PABPC4L: variants seen among roughly 807,000 people sequenced by gnomAD.
PABPC4L encodes polyadenylate-binding protein 4-like.
For synonymous variants in PABPC4L, 169 were observed against 164.1 expected (o/e 1.03, Z -0.23); for missense variants, 452 against 451.4 (o/e 1.00, Z -0.01).
chr4:134,027,868 T>C, the PABPC4L span, among the ~76,000 whole-genome samples: 1 of 152,160 alleles, frequency 6.6e-6, no homozygotes, highest in South Asian at 2.1e-4. Context: ...ATTTGCCAAA[T>C]GATGGCTGCT....
chr4:134,199,788 T>C lies in PABPC4L; in HGVS notation c.*119A>G. The C allele has an allele frequency of 1.5e-6, 2 of 1,305,860 alleles. No individual in the cohort carries two copies. The highest frequency in any genetic ancestry group is 1.5e-5 in the South Asian group (1 of 66,078). The allele number at this position is 1,305,860 out of a possible 1,614,324, so 80.9% of individuals were successfully genotyped here. On this transcript the variant is annotated 3_prime_UTR_variant, in exon 2 of 2. Coordinates refer to ENST00000421491, the MANE Select transcript of PABPC4L (RefSeq NM_001114734.2). ...TATAAAAAACGTTTTATCATAAAGT[T>C]TACTAAACTAAGCACCCATCATGTG...
At chr4:134,137,574 T>C in the PABPC4L span, among the ~76,000 whole-genome samples, 3 of 151,916 alleles carry the variant, frequency 2.0e-5, no homozygotes, top group Non-Finnish European at 4.4e-5. Context: ...TCTGAAGATA[T>C]CACAGTTTTT....
the PABPC4L span, among the ~76,000 whole-genome samples, chr4:134,153,330 T>C: frequency 6.6e-6 from 1 of 152,020 alleles, no homozygotes; most frequent in Non-Finnish European, 1.5e-5. Flanking sequence ...GATATAATGT[T>C]CAGATGCTGG....
At chr4:134,007,378 T>G in the PABPC4L span, among the ~76,000 whole-genome samples, 1 of 151,880 alleles carries the variant, frequency 6.6e-6, no homozygotes, top group Non-Finnish European at 1.5e-5. Context: ...TAAAATAAAT[T>G]ATCTTCCATA....
At chr4:133,986,860 G>A in the PABPC4L span, among the ~76,000 whole-genome samples, 29 of 151,486 alleles carry the variant, frequency 1.9e-4, no homozygotes, top group East Asian at 4.7e-3. Context: ...CTCAGCCTCC[G>A]GAGTAGCTGG....
chr4:133,986,244 CAT>C, the PABPC4L span, among the ~76,000 whole-genome samples: 1 of 152,042 alleles, frequency 6.6e-6, no homozygotes, highest in Non-Finnish European at 1.5e-5. Flanking sequence ...CCATTTATAA[CAT>C]AAACAACTTT....
At chr4:133,999,906 A>C in the PABPC4L span, among the ~76,000 whole-genome samples, 5 of 152,242 alleles carry the variant, frequency 3.3e-5, 1 homozygote, top group South Asian at 1.0e-3. Flanking sequence ...TTAAAATATT[A>C]AACTTGATAT....
the PABPC4L span, among the ~76,000 whole-genome samples, chr4:133,969,023 A>G: frequency 6.6e-6 from 1 of 152,152 alleles, no homozygotes; most frequent in Admixed American, 6.5e-5. Context: ...ATTAACTGGG[A>G]AGTACAGGTG....
chr4:133,982,748 C>T, the PABPC4L span, among the ~76,000 whole-genome samples: 2 of 151,926 alleles, frequency 1.3e-5, no homozygotes, highest in African/African-American at 4.8e-5. Context: ...GTAATTGTGG[C>T]TTTATGCAGT....
chr4:134,059,482 C>T, the PABPC4L span, among the ~76,000 whole-genome samples: 1 of 150,062 alleles, frequency 6.7e-6, no homozygotes, highest in Non-Finnish European at 1.5e-5. Context: ...TTTGCAAATA[C>T]ATTTAATTAT....
At chr4:133,974,368 G>A in the PABPC4L span, among the ~76,000 whole-genome samples, 3 of 151,986 alleles carry the variant, frequency 2.0e-5, no homozygotes, top group Admixed American at 6.6e-5. Context: ...ATAGATCAGA[G>A]ATGTAAATAT....
the PABPC4L span, among the ~76,000 whole-genome samples, chr4:134,074,943 G>C: frequency 2.0e-4 from 31 of 152,058 alleles, no homozygotes; most frequent in Admixed American, 2.0e-4. Flanking sequence ...ATGAGATTTG[G>C]GTGGGGACAC....
At chr4:134,089,586 A>G in the PABPC4L span, among the ~76,000 whole-genome samples, 1 of 152,122 alleles carries the variant, frequency 6.6e-6, no homozygotes, top group African/African-American at 2.4e-5. Context: ...TTATAAATCA[A>G]ACTTTATCAC....
chr4:134,145,988 A>C, the PABPC4L span, among the ~76,000 whole-genome samples: 1 of 152,018 alleles, frequency 6.6e-6, no homozygotes, highest in South Asian at 2.1e-4. Flanking sequence ...ATATTTATAC[A>C]TCCAGTTATG....
chr4:134,177,425 C>T, the PABPC4L span, among the ~76,000 whole-genome samples: 4 of 152,098 alleles, frequency 2.6e-5, no homozygotes, highest in Non-Finnish European at 5.9e-5. Flanking sequence ...CCGCCCACCT[C>T]GGCCTCCAAA....
the PABPC4L span, among the ~76,000 whole-genome samples, chr4:134,086,116 A>G: frequency 1.3e-5 from 2 of 150,812 alleles, no homozygotes; most frequent in Non-Finnish European, 3.0e-5. Flanking sequence ...AAACAGTAGC[A>G]TTTCACTGGG....
the PABPC4L span, among the ~76,000 whole-genome samples, chr4:134,042,589 C>A: frequency 6.6e-6 from 1 of 152,016 alleles, no homozygotes; most frequent in African/African-American, 2.4e-5. Flanking sequence ...CAGTACAATT[C>A]GAGGGGGAAG....
the PABPC4L span, among the ~76,000 whole-genome samples, chr4:134,153,771 A>G: frequency 6.7e-6 from 1 of 148,884 alleles, no homozygotes; most frequent in African/African-American, 2.5e-5. Flanking sequence ...CTCAGCCTCC[A>G]GAGTAGCTGG....
chr4:134,070,090 C>A, the PABPC4L span, among the ~76,000 whole-genome samples: 1 of 145,724 alleles, frequency 6.9e-6, no homozygotes, highest in African/African-American at 2.6e-5. Flanking sequence ...TTTTAGGGGG[C>A]CAAGGCTCAG....
Sources: gnomAD v4.1 joint callset for allele counts (sites outside exome capture counted in the v4.1 genomes callset) on GRCh38, gnomAD v4.1.1 for gene constraint, MANE v1.5 for transcripts, NCBI Gene and HGNC (gene_info 2026-07-23, HGNC 2026-07-21) for gene names.